RRM2B: variants seen among roughly 807,000 people sequenced by gnomAD.
RRM2B encodes the protein ribonucleoside-diphosphate reductase subunit M2 B.
Under a neutral mutation model 45.9 loss-of-function variants are expected in RRM2B, and 20 were observed. That is an observed-to-expected ratio of 0.44 (90% confidence interval 0.31 to 0.63). RRM2B has a LOEUF of 0.63. Among genes scored for constraint, RRM2B ranks in the 30% least tolerant of loss-of-function variants. The probability of loss-of-function intolerance (pLI) is 0.09; values close to 1 mark genes in which losing one functional copy is unlikely to be tolerated. For missense variants in RRM2B, 320 were observed against 414.7 expected (o/e 0.77, Z 1.98); for synonymous variants, 124 against 132.3 (o/e 0.94, Z 0.43).
chr8:102,208,384 C>G, intron 8 of RRM2B, 99 bp from the exon 9 acceptor site: 1 of 866,018 alleles, frequency 1.2e-6, no homozygotes, highest in Non-Finnish European at 1.9e-6. Context: ...TTTCTCAAAA[C>G]CTATCTAGTC....
At chr8:102,231,759 C>T (rs1811032269) in intron 2 of RRM2B, among the ~76,000 whole-genome samples, 1 of 151,304 alleles carries the variant, frequency 6.6e-6, no homozygotes, top group Non-Finnish European at 1.5e-5. Context: ...ATCCCAACTA[C>T]TCAGGAAGCT....
chr8:102,228,736 G>A (rs1384132930), intron 2 of RRM2B, among the ~76,000 whole-genome samples: 3 of 152,204 alleles, frequency 2.0e-5, no homozygotes, highest in Non-Finnish European at 2.9e-5. Flanking sequence ...CCTCCCTCAA[G>A]GGGCTGAGCG....
At chr8:102,223,339 T>A (rs916192950) in intron 5 of RRM2B, among the ~76,000 whole-genome samples, 1 of 152,242 alleles carries the variant, frequency 6.6e-6, no homozygotes, top group African/African-American at 2.4e-5. Context: ...CACTAATCTT[T>A]AGTTTTTGAG....
At chr8:102,218,042 T>G (rs1434944680) in intron 6 of RRM2B, among the ~76,000 whole-genome samples, 1 of 152,172 alleles carries the variant, frequency 6.6e-6, no homozygotes, top group Admixed American at 6.5e-5. Context: ...TGGAGAAAGA[T>G]GATGAGTTTG....
At chr8:102,208,391 A>C in intron 8 of RRM2B, 106 bp from the exon 9 acceptor site, 1 of 824,346 alleles carries the variant, frequency 1.2e-6, no homozygotes. Context: ...AAACCTATCT[A>C]GTCAGCTACA....
At chr8:102,220,606 T>C (rs1810813818) in intron 5 of RRM2B, among the ~76,000 whole-genome samples, 1 of 152,088 alleles carries the variant, frequency 6.6e-6, no homozygotes, top group South Asian at 2.1e-4. Context: ...GCCTGGCTAA[T>C]TTTTTTATTT....
chr8:102,212,302 C>T (rs16869274), intron 8 of RRM2B, among the ~76,000 whole-genome samples: 1,537 of 152,182 alleles, frequency 0.01, 16 homozygotes, highest in African/African-American at 0.034. Context: ...ATGGGAAAAC[C>T]GCACTGATGA....
chr8:102,238,838 C>G lies in RRM2B; in HGVS notation c.37G>C (p.Asp13His). 3.1e-6 allele frequency: 5 copies of G among 1,613,568 alleles called. No homozygotes were observed. The highest frequency in any genetic ancestry group is 4.2e-6 in the Non-Finnish European group (5 of 1,179,926). Reference sequence around the variant, plus strand: ...ACAGCAACATTTACCTCATCCTGATCCAGCCCGGCCGCTTCCGGCCTTTCC... The same window carrying G: ...ACAGCAACATTTACCTCATCCTGATGCAGCCCGGCCGCTTCCGGCCTTTCC... ...DPERPEAAGL[D>H]QDERSSSDTN... Residue 13 changes from aspartate to histidine, a missense_variant, in exon 1 of 9, where the codon GAT (aspartate) becomes CAT (histidine). Asp to His is a moderately conservative substitution (Grantham distance 81). Transcript: ENST00000251810.
At chr8:102,229,079 C>A (rs1810983464) in intron 2 of RRM2B, among the ~76,000 whole-genome samples, 1 of 152,138 alleles carries the variant, frequency 6.6e-6, no homozygotes, top group Admixed American at 6.5e-5. Context: ...CATAGTGAAA[C>A]CCTGTCTCTA....
rs515726189 is a variant in RRM2B, at chr8:102,224,909, G to A, written c.431C>T (p.Thr144Ile). The change falls in exon 4 of 9, where the codon ACT becomes ATT. Residue 144 changes from threonine (T) to isoleucine (I), a missense_variant. Physicochemically the swap from Thr to Ile is moderately conservative, Grantham distance 89 (BLOSUM62 -1). Coordinates refer to ENST00000251810, the MANE Select transcript of RRM2B (RefSeq NM_015713.5). The part of the protein sequence containing the change: ...HSEMYSLLID[T>I]YIRDPKKREF... Reference sequence around the variant, plus strand: ...CCTTTTCTTGGGATCTCTGATGTAAGTGTCTATCAGCAAACTGTACATCTC... The same window carrying A: ...CCTTTTCTTGGGATCTCTGATGTAAATGTCTATCAGCAAACTGTACATCTC... 29 of 1,613,518 alleles carry A rather than the reference G, an allele frequency of 1.8e-5. No homozygotes were observed. Among genetic ancestry groups the A allele is most frequent in the Non-Finnish European group, 2.5e-5 (29 of 1,179,582 alleles).
At position 102,208,167 on chromosome 8, in the gene RRM2B, G is replaced by C. The variant is rs1425182214; in HGVS notation, c.1022C>G (p.Thr341Arg). ...TGCATCCAAGGTGAAGACGTTATCT[G>C]TGGTTTCTGCCATAACTGCAAAACG... is the stretch of plus-strand genomic sequence containing the variant. ...YQRFAVMAETTDNVFTLDADF is the reference protein window; with the variant it reads ...YQRFAVMAETRDNVFTLDADF Residue 341 changes from threonine to arginine, a missense_variant, in exon 9 of 9, where the codon ACA (threonine) becomes AGA (arginine). This residue lies in a region of RRM2B where 47 missense variants were observed against 90.0 expected (regional missense o/e 0.52). Coordinates refer to ENST00000251810, the MANE Select transcript of RRM2B (RefSeq NM_015713.5). The C allele has an allele frequency of 3.7e-6, 6 of 1,613,466 alleles. No individual in the cohort carries two copies. The highest frequency in any genetic ancestry group is 5.1e-6 in the Non-Finnish European group (6 of 1,179,574).
chr8:102,230,359 G>A (rs974970646), intron 2 of RRM2B, among the ~76,000 whole-genome samples: 1 of 152,194 alleles, frequency 6.6e-6, no homozygotes, highest in African/African-American at 2.4e-5. Context: ...AAAAATTAGT[G>A]TTGCTTTGTT....
intron 4 of RRM2B, among the ~76,000 whole-genome samples, chr8:102,224,539 T>C (rs1810893675): frequency 6.6e-6 from 1 of 152,220 alleles, no homozygotes; most frequent in Non-Finnish European, 1.5e-5. Flanking sequence ...TACGGTATGC[T>C]ACCAGATCTG....
chr8:102,214,446 G>A, intron 6 of RRM2B: 1 of 326,882 alleles, frequency 3.1e-6, no homozygotes, highest in East Asian at 7.5e-5. Flanking sequence ...TTTTGGAAAG[G>A]AAAATAAAGC....
At chr8:102,225,383 G>A (rs1158592439) in intron 3 of RRM2B, among the ~76,000 whole-genome samples, 2 of 151,840 alleles carry the variant, frequency 1.3e-5, no homozygotes, top group Admixed American at 6.6e-5. Context: ...ACAGGCATGC[G>A]CCAACACGCC....
chr8:102,211,025 C>T (rs1044464257), intron 8 of RRM2B, among the ~76,000 whole-genome samples: 1 of 149,808 alleles, frequency 6.7e-6, no homozygotes, highest in Admixed American at 6.7e-5. Context: ...AGAGAGAGAG[C>T]GAGAGAGAAA....
intron 8 of RRM2B, 131 bp downstream of exon 8, chr8:102,212,645 A>G: frequency 1.6e-6 from 1 of 610,504 alleles, no homozygotes; most frequent in Non-Finnish European, 2.9e-6. Flanking sequence ...TGTTCATACA[A>G]AACAAGTCTC....
intron 7 of RRM2B, 147 bp from the exon 8 acceptor site, chr8:102,213,036 A>AT (rs1810662491): frequency 3.1e-6 from 2 of 645,638 alleles, no homozygotes; most frequent in South Asian, 3.6e-5. Context: ...GTGGCAAATG[A>AT]TGTCCGTATA....
chr8:102,222,701 G>A (rs1810857310), intron 5 of RRM2B, among the ~76,000 whole-genome samples: 1 of 152,010 alleles, frequency 6.6e-6, no homozygotes, highest in Non-Finnish European at 1.5e-5. Flanking sequence ...TTTAAATGAG[G>A]CATATACTAT....
Sources: gnomAD v4.1 joint callset for allele counts (sites outside exome capture counted in the v4.1 genomes callset) on GRCh38, gnomAD v4.1.1 for gene constraint, gnomAD v4.1.1 regional missense constraint, MANE v1.5 for transcripts, NCBI Gene and HGNC (gene_info 2026-07-23, HGNC 2026-07-21) for gene names.